VWA8: variants seen among roughly 807,000 people sequenced by gnomAD.
The protein encoded by VWA8 is von Willebrand factor A domain-containing protein 8.
In VWA8, 221 loss-of-function variants were observed where a neutral mutation model predicts 241.5. The observed-to-expected ratio is 0.91, with a 90% CI of 0.82 to 1.02. The LOEUF (loss-of-function observed/expected upper bound fraction) is 1.02. Ranked by LOEUF, VWA8 falls within the 50% of genes least tolerant of loss-of-function variation. The pLI, the probability that VWA8 is intolerant of heterozygous loss-of-function variation, is 0.00. For missense variants in VWA8, 2,322 were observed against 2,328.7 expected, an observed-to-expected ratio of 1.00 and a Z score of 0.06; for synonymous variants, 852 against 827.1, an observed-to-expected ratio of 1.03 and a Z score of -0.52.
intron 9 of VWA8, among the ~76,000 whole-genome samples, chr13:41,869,589 C>T (rs1302324431): frequency 7.3e-6 from 1 of 137,382 alleles, no homozygotes; most frequent in Non-Finnish European, 1.5e-5. Flanking sequence ...TGAGATTGTG[C>T]CACTGCACTC....
At chr13:41,719,825 A>C in intron 25 of VWA8, 83 bp from the exon 26 acceptor site, 1 of 1,295,670 alleles carries the variant, frequency 7.7e-7, no homozygotes, top group Non-Finnish European at 1.0e-6. Flanking sequence ...TAGGACAATA[A>C]TGATCAAATG....
At chr13:41,800,790 C>T (rs1869919571) in intron 17 of VWA8, among the ~76,000 whole-genome samples, 1 of 131,262 alleles carries the variant, frequency 7.6e-6, no homozygotes, top group Non-Finnish European at 1.6e-5. Flanking sequence ...GAGACTCCAT[C>T]TCCAAAAAAA....
chr13:41,909,056 T>A (rs866084169), intron 3 of VWA8, among the ~76,000 whole-genome samples: 14,186 of 94,128 alleles, frequency 0.15, 794 homozygotes, highest in East Asian at 0.24. Flanking sequence ...GGAAAAAAAT[T>A]TTTTTTTTTT....
At chr13:41,741,230 C>T (rs144301024) in intron 21 of VWA8, among the ~76,000 whole-genome samples, 68 of 152,254 alleles carry the variant, frequency 4.5e-4, no homozygotes, top group Middle Eastern at 3.4e-3. Flanking sequence ...GTAACCAGCA[C>T]GTAGTAGGAG....
chr13:41,757,403 G>C (rs1280957371), intron 21 of VWA8, among the ~76,000 whole-genome samples: 2 of 151,708 alleles, frequency 1.3e-5, no homozygotes, highest in Non-Finnish European at 3.0e-5. Context: ...GATGAAGCTG[G>C]AGTAAAAGAA....
chr13:41,832,974 C>T (rs550317627), intron 13 of VWA8, among the ~76,000 whole-genome samples: 13 of 151,702 alleles, frequency 8.6e-5, no homozygotes, highest in Non-Finnish European at 1.8e-4. Context: ...ACAAGACCAA[C>T]CAATAATTAA....
intron 4 of VWA8, among the ~76,000 whole-genome samples, chr13:41,895,809 ATTTG>A (rs1409456874): frequency 7.5e-6 from 1 of 132,922 alleles, no homozygotes; most frequent in Non-Finnish European, 1.7e-5. Flanking sequence ...GCCTCTTTTC[ATTTG>A]TTTTACTTGC....
At chr13:41,764,566 G>C (rs185444575) in intron 20 of VWA8, among the ~76,000 whole-genome samples, 56 of 152,206 alleles carry the variant, frequency 3.7e-4, no homozygotes, top group Non-Finnish European at 2.2e-4. Context: ...GCTCAGGAAG[G>C]CCGACTGCAC....
chr13:41,819,513 G>T (rs1054257111), intron 14 of VWA8, 127 bp from the exon 15 acceptor site: 2 of 1,060,100 alleles, frequency 1.9e-6, no homozygotes, highest in South Asian at 3.5e-5. Context: ...ATCATCCAAA[G>T]GATTAGCTTT....
chr13:41,892,284 T>A (rs1306476866), intron 4 of VWA8, among the ~76,000 whole-genome samples: 1 of 152,210 alleles, frequency 6.6e-6, no homozygotes, highest in African/African-American at 2.4e-5. Flanking sequence ...TATAGGTCCT[T>A]AATAACATAG....
chr13:41,854,532 T>C (rs1232059488), intron 12 of VWA8, among the ~76,000 whole-genome samples: 1 of 151,110 alleles, frequency 6.6e-6, no homozygotes, highest in Non-Finnish European at 1.5e-5. Context: ...ATTATATTCA[T>C]ATTTTCCTTT....
intron 8 of VWA8, 73 bp from the exon 9 acceptor site, chr13:41,883,564 A>G: frequency 8.7e-7 from 1 of 1,154,962 alleles, no homozygotes; most frequent in Non-Finnish European, 1.3e-6. Context: ...AAATGTACAT[A>G]TGACATTAAA....
intron 21 of VWA8, among the ~76,000 whole-genome samples, chr13:41,742,670 T>C (rs1340019566): frequency 6.6e-6 from 1 of 152,232 alleles, no homozygotes; most frequent in African/African-American, 2.4e-5. Context: ...ATGTAATCGA[T>C]ACACTTTATT....
At chr13:41,787,289 T>C (rs1051392666) in intron 18 of VWA8, 148 bp downstream of exon 18, 3 of 595,722 alleles carry the variant, frequency 5.0e-6, no homozygotes, top group Non-Finnish European at 8.5e-6. Flanking sequence ...AAAAATCAGA[T>C]TCATTTCTTC....
intron 42 of VWA8, among the ~76,000 whole-genome samples, chr13:41,577,401 G>C (rs544731148): frequency 1.3e-5 from 2 of 152,340 alleles, no homozygotes; most frequent in Non-Finnish European, 2.9e-5. Flanking sequence ...TATCAATAGA[G>C]TGAAAAGGTA....
At chr13:41,772,330 G>C (rs940812442) in intron 20 of VWA8, among the ~76,000 whole-genome samples, 1 of 152,090 alleles carries the variant, frequency 6.6e-6, no homozygotes, top group Non-Finnish European at 1.5e-5. Flanking sequence ...TGGGAAGGTG[G>C]GGAAGGCAGG....
In VWA8 at chr13:41,699,074, C is replaced by A; in HGVS notation, c.3561G>T (p.Gln1187His). 6.2e-7 allele frequency: 1 copy of A among 1,613,898 alleles called. No homozygotes were observed. The highest frequency in any genetic ancestry group is 1.3e-5 in the African/African-American group (1 of 75,024). Reference sequence around the variant, plus strand: ...ATTGTAGCCTGGTGTGCATTACCTGCTGCTCATGGAGAACCACTTGACCTT... The same window carrying A: ...ATTGTAGCCTGGTGTGCATTACCTGATGCTCATGGAGAACCACTTGACCTT... ...PLKGQVVLHE[Q>H]QSNVILLLDT... Residue 1187 changes from glutamine to histidine, a missense_variant, in exon 29 of 45, where the codon CAG becomes CAT. Physicochemically the swap from Gln to His is conservative, Grantham distance 24. Coordinates refer to ENST00000379310, the MANE Select transcript of VWA8 (RefSeq NM_015058.2).
At chr13:41,669,341 T>A (rs2045007131) in intron 37 of VWA8, among the ~76,000 whole-genome samples, 2 of 152,222 alleles carry the variant, frequency 1.3e-5, no homozygotes, top group Admixed American at 6.5e-5. Flanking sequence ...AAACAAATAA[T>A]TTGTGACAGT....
intron 2 of VWA8, among the ~76,000 whole-genome samples, chr13:41,916,600 T>C (rs1271716507): frequency 6.6e-6 from 1 of 152,250 alleles, no homozygotes; most frequent in African/African-American, 2.4e-5. Context: ...TGTTTTAGTA[T>C]AGCGTATTTT....
Sources: allele counts gnomAD v4.1 joint callset (sites outside exome capture counted in the v4.1 genomes callset), GRCh38; gene constraint gnomAD v4.1.1; transcripts MANE v1.5; gene names NCBI Gene and HGNC (gene_info 2026-07-23, HGNC 2026-07-21).